PDE5A: variants seen among roughly 807,000 people sequenced by gnomAD.
PDE5A encodes the protein cGMP-specific 3',5'-cyclic phosphodiesterase.
Under a neutral mutation model 110.2 loss-of-function variants are expected in PDE5A, and 67 were observed. The ratio of observed to expected loss-of-function variants is 0.61; its 90% CI spans 0.50 to 0.75. The LOEUF is 0.75. Ranked by LOEUF, PDE5A falls within the 30% of genes least tolerant of loss-of-function variation. The pLI, the probability that PDE5A is intolerant of heterozygous loss-of-function variation, is 0.00. For synonymous variants in PDE5A, 328 were observed against 351.2 expected (o/e 0.93, Z 0.74); for missense variants, 862 against 1,045.1 (o/e 0.82, Z 2.42).
chr4:119,526,128 G>A (rs1464065395), intron 11 of PDE5A, among the ~76,000 whole-genome samples: 2 of 152,086 alleles, frequency 1.3e-5, no homozygotes, highest in African/African-American at 4.8e-5. Context: ...AGCATTTTAT[G>A]GTTAGTTCTC....
chr4:119,583,981 G>A (rs1728673276), intron 3 of PDE5A, among the ~76,000 whole-genome samples: 1 of 152,190 alleles, frequency 6.6e-6, no homozygotes, highest in South Asian at 2.1e-4. Flanking sequence ...AAACTTTAAT[G>A]ATTCTGGACA....
chr4:119,539,700 C>T (rs562196382), intron 10 of PDE5A, among the ~76,000 whole-genome samples: 1 of 152,202 alleles, frequency 6.6e-6, no homozygotes, highest in South Asian at 2.1e-4. Flanking sequence ...AGATTTAGGA[C>T]CCAGCTTTCA....
At chr4:119,530,975 T>A (rs1360773026) in intron 11 of PDE5A, among the ~76,000 whole-genome samples, 1 of 152,170 alleles carries the variant, frequency 6.6e-6, no homozygotes, top group Non-Finnish European at 1.5e-5. Flanking sequence ...CTGTAATTTT[T>A]AAAAATCAGT....
intron 9 of PDE5A, among the ~76,000 whole-genome samples, chr4:119,547,843 C>T (rs1023628456): frequency 6.6e-6 from 1 of 151,920 alleles, no homozygotes; most frequent in Non-Finnish European, 1.5e-5. Context: ...CTTTATGTTG[C>T]ATATCACCAA....
chr4:119,510,960 T>C (rs758226398), intron 15 of PDE5A, 87 bp downstream of exon 15: 72 of 884,028 alleles, frequency 8.1e-5, no homozygotes, highest in Non-Finnish European at 1.2e-4. Context: ...GAATTTATGA[T>C]GCTGGGAATA....
chr4:119,620,198 T>C (rs934794576), intron 1 of PDE5A, among the ~76,000 whole-genome samples: 5 of 152,230 alleles, frequency 3.3e-5, no homozygotes, highest in African/African-American at 9.6e-5. Flanking sequence ...ACGGGAGATT[T>C]TGGACACCTC....
chr4:119,578,249 ATGGCCATACTGCCC>A (rs1354849201), intron 3 of PDE5A, among the ~76,000 whole-genome samples: 1 of 152,206 alleles, frequency 6.6e-6, no homozygotes, highest in Non-Finnish European at 1.5e-5. Context: ...TATCATGAAA[ATGGCCATACTGCCC>A]AAGGTAATTT....
At position 119,628,794 on chromosome 4, in the gene PDE5A, C is replaced by G. The variant is rs536731425; in HGVS notation, c.-123G>C. Reference sequence around the variant, plus strand: ...CCCCTTCGTCCTGCTCCAGTCGGGCCGGCTTTCGACAAAGCGGCCGGAGCG... The same window carrying G: ...CCCCTTCGTCCTGCTCCAGTCGGGCGGGCTTTCGACAAAGCGGCCGGAGCG... On this transcript the variant is annotated 5_prime_UTR_variant, in exon 1 of 21. Transcript: ENST00000354960. 12 of 1,436,402 alleles carry G rather than the reference C, an allele frequency of 8.4e-6. No individual in the cohort carries two copies. In the East Asian group the frequency reaches 1.5e-4, roughly 18 times the overall value. 89.0% of individuals were successfully genotyped at this position (1,436,402 alleles called of 1,614,324 possible). A position where few individuals can be genotyped will look rare whatever the true frequency, so the allele number is the denominator to read the frequency against.
chr4:119,619,356 A>T (rs1730062254), intron 1 of PDE5A, among the ~76,000 whole-genome samples: 1 of 152,194 alleles, frequency 6.6e-6, no homozygotes, highest in Non-Finnish European at 1.5e-5. Flanking sequence ...CAGCTGAAAG[A>T]GATTTTTAAG....
rs200352644 is a variant in PDE5A, at chr4:119,494,965, A to C, written c.*3636T>G. The C allele has an allele frequency of 6.6e-6, 1 of 152,566 alleles. No individual in the cohort carries two copies. The highest frequency in any genetic ancestry group is 1.5e-5 in the Non-Finnish European group (1 of 68,026). The allele number at this position is 152,566 out of a possible 1,614,324, so 9.5% of individuals were successfully genotyped here. On this transcript the variant is annotated 3_prime_UTR_variant, in exon 21 of 21. Coordinates refer to ENST00000354960, the MANE Select transcript of PDE5A (RefSeq NM_001083.4). ...ATGCACAATTTAACAGTCCAGAAGA[A>C]CTGTGTAATCTTTACCTGGCTAGCA...
chr4:119,594,720 A>T (rs990170119), intron 3 of PDE5A, among the ~76,000 whole-genome samples: 1 of 152,192 alleles, frequency 6.6e-6, no homozygotes. Context: ...ATTTTTAGTT[A>T]CTACTGCTGG....
chr4:119,529,908 T>C (rs969638436), intron 11 of PDE5A, among the ~76,000 whole-genome samples: 2 of 152,138 alleles, frequency 1.3e-5, no homozygotes, highest in Non-Finnish European at 2.9e-5. Flanking sequence ...GTTAAGTTCC[T>C]GGACCAGCAG....
chr4:119,522,880 T>C (rs971856558), intron 12 of PDE5A, among the ~76,000 whole-genome samples: 1 of 152,058 alleles, frequency 6.6e-6, no homozygotes, highest in Admixed American at 6.6e-5. Flanking sequence ...CTACAGAGCA[T>C]GTTCAATACG....
At chr4:119,539,961 C>T (rs1001049058) in intron 10 of PDE5A, among the ~76,000 whole-genome samples, 1 of 152,090 alleles carries the variant, frequency 6.6e-6, no homozygotes, top group Non-Finnish European at 1.5e-5. Context: ...GTATAATGCA[C>T]ATGTTCCAAA....
intron 15 of PDE5A, among the ~76,000 whole-genome samples, chr4:119,509,583 C>T (rs1552093): frequency 1.3e-5 from 2 of 151,944 alleles, no homozygotes; most frequent in Non-Finnish European, 2.9e-5. Flanking sequence ...TTCTATAATT[C>T]TGGCACCTCT....
chr4:119,589,525 A>AT lies in PDE5A; in HGVS notation c.831+6997dup, dbSNP rs1222552683. Among the ~76,000 whole-genome samples the AT allele has an allele frequency of 7.9e-5, 12 of 152,366 alleles. No individual in the cohort carries two copies. In the South Asian group the frequency reaches 2.5e-3, roughly 32 times the overall value. Reference sequence around the variant, plus strand: ...GAAATAATTAATACAAATGACAAAGATAAAAACTGGTCTAAGTGCCCAGGT... The same window carrying AT: ...GAAATAATTAATACAAATGACAAAGATTAAAAACTGGTCTAAGTGCCCAGGT... On this transcript the variant is annotated intron_variant, in intron 3 of 20. Coordinates refer to ENST00000354960, the MANE Select transcript of PDE5A (RefSeq NM_001083.4).
At chr4:119,527,451 C>T (rs926185478) in intron 11 of PDE5A, among the ~76,000 whole-genome samples, 2 of 152,108 alleles carry the variant, frequency 1.3e-5, no homozygotes, top group African/African-American at 4.8e-5. Context: ...CTCTTGTACT[C>T]TGCTTCTTTG....
At chr4:119,510,459 A>T (rs1394096461) in intron 15 of PDE5A, among the ~76,000 whole-genome samples, 1 of 152,042 alleles carries the variant, frequency 6.6e-6, no homozygotes, top group East Asian at 1.9e-4. Flanking sequence ...ATAATGAACA[A>T]CCATCCCCCC....
chr4:119,599,742 C>A (rs886743252), intron 2 of PDE5A, among the ~76,000 whole-genome samples: 2 of 151,448 alleles, frequency 1.3e-5, no homozygotes, highest in African/African-American at 4.9e-5. Flanking sequence ...CACACACACA[C>A]ACACACATAC....
Sources: allele counts gnomAD v4.1 joint callset (sites outside exome capture counted in the v4.1 genomes callset), GRCh38; gene constraint gnomAD v4.1.1; transcripts MANE v1.5; gene names NCBI Gene and HGNC (gene_info 2026-07-23, HGNC 2026-07-21).